Variants in MTO1 observed in about 807,000 individuals in gnomAD.
MTO1 encodes mitochondrial tRNA translation optimization 1.
In MTO1, 46 loss-of-function variants were observed where a neutral mutation model predicts 71.6. The ratio of observed to expected loss-of-function variants is 0.64; its 90% CI spans 0.51 to 0.82. The LOEUF (loss-of-function observed/expected upper bound fraction) is 0.82. MTO1 is among the 40% of genes least tolerant of loss of function. MTO1 has a pLI of 0.00. For missense variants in MTO1, 773 were observed against 867.5 expected (o/e 0.89, Z 1.37); for synonymous variants, 297 against 312.1 (o/e 0.95, Z 0.51).
intron 4 of MTO1, among the ~76,000 whole-genome samples, chr6:73,475,607 C>T (rs1302696252): frequency 2.0e-5 from 3 of 151,512 alleles, no homozygotes; most frequent in Non-Finnish European, 2.9e-5. Flanking sequence ...ATCCACCTCA[C>T]GGGTTCGAGC....
At position 73,496,886 on chromosome 6, in the gene MTO1, C is replaced by A. The variant is rs140675256; in HGVS notation, c.1757-850C>A. Among the ~76,000 whole-genome samples the A allele has an allele frequency of 4.6e-5, 7 of 151,836 alleles. No homozygotes were observed. The East Asian group carries it at 1.4e-3, about 30-fold the overall frequency. ...TGGCTAACATGGTGAAAACCCATCT[C>A]TACTAAAAATACAAAGATTAGCCGG... On this transcript the variant is annotated intron_variant, in intron 10 of 11. Coordinates refer to ENST00000498286, the MANE Select transcript of MTO1 (RefSeq NM_012123.4).
At chr6:73,487,177 T>C (rs1279289800) in intron 9 of MTO1, among the ~76,000 whole-genome samples, 2 of 149,534 alleles carry the variant, frequency 1.3e-5, no homozygotes, top group Admixed American at 1.4e-4. Flanking sequence ...TACAAAGATA[T>C]CTTCAAGACC....
chr6:73,480,915 T>C lies in MTO1; in HGVS notation c.1260+110T>C. 5 of 1,163,236 alleles carry C rather than the reference T, an allele frequency of 4.3e-6. No individual in the cohort carries two copies. The Admixed American group carries it at 8.3e-5, about 19-fold the overall frequency. The allele number at this position is 1,163,236 out of a possible 1,614,324, so 72.1% of individuals were successfully genotyped here. A position where few individuals can be genotyped will look rare whatever the true frequency, so the allele number is the denominator to read the frequency against. ...AGATCTTAGATACAATTCATACTAATAGAAGACAATTTATGTTTCAGGGTG... is the reference window on the plus strand; with the variant it reads ...AGATCTTAGATACAATTCATACTAACAGAAGACAATTTATGTTTCAGGGTG... On this transcript the variant is annotated intron_variant, in intron 7 of 11. Transcript: ENST00000498286.
Position 73,479,817 on chromosome 6 carries a change from A to C in MTO1, c.911A>C (p.His304Pro), listed in dbSNP as rs1771433572. 2.5e-6 allele frequency: 4 copies of C among 1,613,578 alleles called. No homozygotes were observed. The highest frequency in any genetic ancestry group is 3.4e-6 in the Non-Finnish European group (4 of 1,179,566). The part of the protein sequence containing the change: ...IVLKNLHLNS[H>P]VKETTRGPRY... ...CTTAAGAACCTTCACCTTAATAGTC[A>C]TGTTAAAGAAACGACAAGAGGACCT... The change falls in exon 5 of 12, where the codon CAT becomes CCT. Residue 304 changes from histidine to proline, a missense_variant. Coordinates refer to ENST00000498286, the MANE Select transcript of MTO1 (RefSeq NM_012123.4).
In MTO1 at chr6:73,479,976, A is replaced by G; in HGVS notation, c.979A>G (p.Asn327Asp). 6.2e-7 allele frequency: 1 copy of G among 1,613,534 alleles called. No individual in the cohort carries two copies. The highest frequency in any genetic ancestry group is 8.5e-7 in the Non-Finnish European group (1 of 1,179,796). ...SIESKVLRFP[N>D]RLHQVWLEPE... ...TGAATCAAAAGTTTTGCGTTTTCCA[A>G]ACCGTCTACATCAGGTTTGGTTGGA... The change falls in exon 6 of 12, where the codon AAC becomes GAC. Residue 327 changes from asparagine (N) to aspartate (D), a missense_variant. Physicochemically the swap from Asn to Asp is conservative, Grantham distance 23. Coordinates refer to ENST00000498286, the MANE Select transcript of MTO1 (RefSeq NM_012123.4).
At chr6:73,493,354 A>ATGTGTGTGTGTGTGTGTGTG (rs144509962) in intron 10 of MTO1, among the ~76,000 whole-genome samples, 5 of 139,354 alleles carry the variant, frequency 3.6e-5, no homozygotes, top group East Asian at 4.5e-4. Flanking sequence ...ATGTGCATGT[A>ATGTGTGTGTGTGTGTGTGTG]TGTGTGTGTG....
chr6:73,482,172 A>C lies in MTO1; in HGVS notation c.1393A>C (p.Met465Leu). Residue 465 changes from methionine (M) to leucine (L), a missense_variant, in exon 8 of 12, where the codon ATG (methionine) becomes CTG (leucine). By Grantham distance (15) the Met-to-Leu change is conservative. Transcript: ENST00000498286. ...TTLGTSEPYRMFTSRVEFRLS... is the reference protein window; with the variant it reads ...TTLGTSEPYRLFTSRVEFRLS... ...TCTGGGCACCAGTGAACCATACCGC[A>C]TGTTTACCAGCCGAGTAGAGTTCCG... 6.2e-7 allele frequency: 1 copy of C among 1,614,132 alleles called. No homozygotes were observed. Among genetic ancestry groups the C allele is most frequent in the Non-Finnish European group, 8.5e-7 (1 of 1,180,030 alleles).
At chr6:73,492,055 T>C (rs978474517) in intron 9 of MTO1, 179 bp from the exon 10 acceptor site, 14 of 480,582 alleles carry the variant, frequency 2.9e-5, no homozygotes, top group Non-Finnish European at 4.5e-5. Flanking sequence ...TGAGCCAAGA[T>C]TGTACCACTG....
At chr6:73,489,155 C>G (rs2150040895) in intron 9 of MTO1, among the ~76,000 whole-genome samples, 1 of 152,156 alleles carries the variant, frequency 6.6e-6, no homozygotes, top group South Asian at 2.1e-4. Context: ...CATTCTTTTG[C>G]TGTTTGGATA....
At position 73,482,610 on chromosome 6, in the gene MTO1, C is replaced by G; in HGVS notation, c.1627C>G (p.Leu543Val). 2 of 1,599,338 alleles carry G rather than the reference C, an allele frequency of 1.3e-6. No individual in the cohort carries two copies. The highest frequency in any genetic ancestry group is 1.7e-6 in the Non-Finnish European group (2 of 1,176,518). ...GGCTTCTATAAGTACTAGTAGAAGT[C>G]TGCCTGTCAGGTATGCATTTTTAAT... ...PEASISTSRS[L>V]PVRALDVLKY... The change falls in exon 9 of 12, where the codon CTG becomes GTG. Residue 543 changes from leucine (L) to valine (V), a missense_variant. Transcript: ENST00000498286.
intron 3 of MTO1, among the ~76,000 whole-genome samples, chr6:73,469,710 A>G (rs186625876): frequency 6.6e-6 from 1 of 150,782 alleles, no homozygotes; most frequent in Admixed American, 6.6e-5. Context: ...TCTGGTGGTG[A>G]TTAAGACTTG....
At position 73,461,771 on chromosome 6, in the gene MTO1, G is replaced by A. The variant is rs1175859359; in HGVS notation, c.-84G>A. 1 of 1,429,240 alleles carries A rather than the reference G, an allele frequency of 7.0e-7. No individual in the cohort carries two copies. Among genetic ancestry groups the A allele is most frequent in the Non-Finnish European group, 9.7e-7 (1 of 1,033,916 alleles). The allele number at this position is 1,429,240 out of a possible 1,614,324, so 88.5% of individuals were successfully genotyped here. ...CGTGATATTAAAGCAAGATGGCCGC[G>A]CCCTGCAGATTGTCTCTTGTTGCGT... On this transcript the variant is annotated 5_prime_UTR_variant, in exon 1 of 12. Transcript: ENST00000498286.
rs2150048845 is a variant in MTO1, at chr6:73,508,551, A to C, written c.*7816A>C. The C allele has an allele frequency of 6.6e-6, 1 of 152,318 alleles. No homozygotes were observed. Among genetic ancestry groups the C allele is most frequent in the Non-Finnish European group, 1.5e-5 (1 of 68,026 alleles). The allele number at this position is 152,318 out of a possible 1,614,324, so 9.4% of individuals were successfully genotyped here. A position where few individuals can be genotyped will look rare whatever the true frequency, so the allele number is the denominator to read the frequency against. On this transcript the variant is annotated 3_prime_UTR_variant, in exon 12 of 12. Coordinates refer to ENST00000498286, the MANE Select transcript of MTO1 (RefSeq NM_012123.4). The stretch of plus-strand genomic sequence containing the variant: ...TAAGAAAACTGTTGGAATTTTCTGT[A>C]TTTCCAGTTTCACAAGAAACAACCT...
intron 11 of MTO1, among the ~76,000 whole-genome samples, chr6:73,499,306 C>T (rs1489110147): frequency 6.6e-6 from 1 of 151,988 alleles, no homozygotes; most frequent in African/African-American, 2.4e-5. Flanking sequence ...TCATAGGCTA[C>T]ACTGCCACAC....
chr6:73,482,867 C>T (rs1315292590), intron 9 of MTO1, among the ~76,000 whole-genome samples: 1 of 145,146 alleles, frequency 6.9e-6, no homozygotes, highest in Non-Finnish European at 1.5e-5. Context: ...TCTCGGCTCA[C>T]TGCAAGCTCC....
intron 9 of MTO1, among the ~76,000 whole-genome samples, chr6:73,483,233 A>G (rs891130995): frequency 1.3e-5 from 2 of 151,934 alleles, no homozygotes; most frequent in Admixed American, 1.3e-4. Flanking sequence ...ATGTGGCAAA[A>G]TCCCATCTCT....
At chr6:73,477,957 T>C (rs1771376457) in intron 4 of MTO1, among the ~76,000 whole-genome samples, 1 of 152,038 alleles carries the variant, frequency 6.6e-6, no homozygotes, top group Non-Finnish European at 1.5e-5. Flanking sequence ...CTCTCGAGTT[T>C]TAAAAAAATG....
In MTO1 at chr6:73,473,387, A is replaced by G. The variant is rs747518479; in HGVS notation, c.558A>G (p.Ala186=). 1 of 1,613,958 alleles carries G rather than the reference A, an allele frequency of 6.2e-7. No individual in the cohort carries two copies. Among genetic ancestry groups the G allele is most frequent in the Non-Finnish European group, 8.5e-7 (1 of 1,179,878 alleles). ...VVLVDGSTVY[A]ESVILTTGTF... is the part of the protein sequence containing the mutation. ...TAGTGGATGGAAGCACAGTATATGC[A>G]GAGAGTGTGATTCTGACTACTGGGA... Residue 186 remains alanine, a synonymous_variant, in exon 4 of 12, where the codon GCA becomes GCG. Coordinates refer to ENST00000498286, the MANE Select transcript of MTO1 (RefSeq NM_012123.4).
At chr6:73,480,934 C>A in intron 7 of MTO1, 129 bp downstream of exon 7, 4 of 788,502 alleles carry the variant, frequency 5.1e-6, no homozygotes, top group Admixed American at 3.4e-5. Flanking sequence ...ATTTATGTTT[C>A]AGGGTGTTTG....
Sources: gnomAD v4.1 joint callset for allele counts (sites outside exome capture counted in the v4.1 genomes callset) on GRCh38, gnomAD v4.1.1 for gene constraint, MANE v1.5 for transcripts, NCBI Gene and HGNC (gene_info 2026-07-23, HGNC 2026-07-21) for gene names.